Variants in PRKG1 observed in about 807,000 individuals in gnomAD.
PRKG1 encodes cGMP-dependent protein kinase 1.
Under a neutral mutation model 88.1 loss-of-function variants are expected in PRKG1, and 35 were observed. The ratio of observed to expected loss-of-function variants is 0.40; its 90% CI spans 0.30 to 0.53. The LOEUF (loss-of-function observed/expected upper bound fraction) is 0.53. Ranked by LOEUF, PRKG1 falls within the 20% of genes least tolerant of loss-of-function variation. The pLI is 0.59. For synonymous variants in PRKG1, 303 were observed against 292.5 expected, an observed-to-expected ratio of 1.04 and a Z score of -0.37; for missense variants, 540 against 839.8, an observed-to-expected ratio of 0.64 and a Z score of 4.41.
rs1841886535 is a variant in PRKG1, at chr10:51,336,793, TAACCTTAGATGAAA to T, written c.479-130926_479-130913del. On this transcript the variant is annotated intron_variant, in intron 2 of 17. Transcript: ENST00000373980. ...ACAGGATTTGGCCAAAACAAATGAT[TAACCTTAGATGAAA>T]AACAGGGTTTCTAATGGCCATAATG... Among the ~76,000 whole-genome samples, 3 of 152,166 alleles carry T rather than the reference TAACCTTAGATGAAA, an allele frequency of 2.0e-5. No homozygotes were observed. In the South Asian group the frequency reaches 6.2e-4, roughly 31 times the overall value.
chr10:52,270,083 C>G (rs1195888244), intron 10 of PRKG1, among the ~76,000 whole-genome samples: 1 of 151,868 alleles, frequency 6.6e-6, no homozygotes, highest in Non-Finnish European at 1.5e-5. Flanking sequence ...TTTTTTTTCT[C>G]TTTAAACTGT....
At chr10:51,315,965 C>A (rs1260831840) in intron 2 of PRKG1, among the ~76,000 whole-genome samples, 1 of 152,104 alleles carries the variant, frequency 6.6e-6, no homozygotes, top group Non-Finnish European at 1.5e-5. Flanking sequence ...TTCAAAATCT[C>A]CTATAATTGG....
At chr10:52,069,672 G>C (rs1846446759) in intron 7 of PRKG1, among the ~76,000 whole-genome samples, 1 of 152,070 alleles carries the variant, frequency 6.6e-6, no homozygotes, top group South Asian at 2.1e-4. Context: ...TATTCAAGCT[G>C]CTTTTGTATC....
chr10:51,470,824 G>C (rs547461719), intron 3 of PRKG1, among the ~76,000 whole-genome samples: 1 of 152,014 alleles, frequency 6.6e-6, no homozygotes, highest in South Asian at 2.1e-4. Context: ...CCAACAGAAG[G>C]AAGCACCATG....
intron 2 of PRKG1, among the ~76,000 whole-genome samples, chr10:51,313,709 T>C (rs1388908150): frequency 6.6e-6 from 1 of 152,168 alleles, no homozygotes; most frequent in East Asian, 1.9e-4. Context: ...GGTACCAAAA[T>C]TTGCAGATGC....
At chr10:52,292,588 T>C (rs1390814861) in intron 17 of PRKG1, among the ~76,000 whole-genome samples, 1 of 152,076 alleles carries the variant, frequency 6.6e-6, no homozygotes, top group Non-Finnish European at 1.5e-5. Flanking sequence ...TGCGGCGTTA[T>C]TTCTGAGGGC....
At chr10:51,434,815 T>C (rs1838872417) in intron 2 of PRKG1, among the ~76,000 whole-genome samples, 2 of 152,090 alleles carry the variant, frequency 1.3e-5, no homozygotes, top group South Asian at 4.1e-4. Flanking sequence ...TCCTTTCAGA[T>C]GGGGAAATGT....
intron 4 of PRKG1, among the ~76,000 whole-genome samples, chr10:51,894,004 A>G (rs1344871256): frequency 6.6e-6 from 1 of 152,198 alleles, no homozygotes; most frequent in East Asian, 1.9e-4. Context: ...GCCTACTTAG[A>G]TGTAGAGAGA....
At chr10:51,849,830 ACT>A (rs1840498478) in intron 4 of PRKG1, among the ~76,000 whole-genome samples, 1 of 152,272 alleles carries the variant, frequency 6.6e-6, no homozygotes, top group African/African-American at 2.4e-5. Flanking sequence ...ACAGGGGCAG[ACT>A]CAGGTTTGAT....
chr10:51,446,737 C>T (rs1245934821), intron 2 of PRKG1, among the ~76,000 whole-genome samples: 1 of 152,110 alleles, frequency 6.6e-6, no homozygotes, highest in African/African-American at 2.4e-5. Flanking sequence ...TCACACACTT[C>T]CTCCATTTTG....
chr10:51,786,222 G>A (rs17629265), intron 3 of PRKG1, among the ~76,000 whole-genome samples: 50,977 of 151,966 alleles, frequency 0.34, 10,412 homozygotes, highest in Middle Eastern at 0.49. Flanking sequence ...CTAGGTGATA[G>A]AACATTTGGC....
intron 9 of PRKG1, among the ~76,000 whole-genome samples, chr10:52,245,471 G>C (rs981143889): frequency 2.6e-5 from 4 of 152,130 alleles, no homozygotes; most frequent in Admixed American, 6.6e-5. Context: ...ATGAGCTTTT[G>C]ATAAGCCAGG....
intron 2 of PRKG1, among the ~76,000 whole-genome samples, chr10:51,392,689 C>T (rs1337928076): frequency 8.0e-4 from 121 of 151,846 alleles, no homozygotes; most frequent in African/African-American, 2.7e-3. Context: ...AGGGGCTCCT[C>T]ACTTCCCAGT....
In PRKG1 at chr10:51,377,007, C is replaced by T. The variant is rs114048643; in HGVS notation, c.479-90716C>T. ...ATTTTTAATGGTAACAGAAATATCA[C>T]CATCAATTGGTGATAAACCAAATGT... On this transcript the variant is annotated intron_variant, in intron 2 of 17. Transcript: ENST00000373980. Among the ~76,000 whole-genome samples the T allele has an allele frequency of 9.9e-3, 1,507 of 152,162 alleles. 22 individuals carry two copies. The highest frequency in any genetic ancestry group is 0.034 in the African/African-American group (1,404 of 41,504).
In PRKG1 at chr10:51,577,221, C is replaced by A. The variant is rs569360536; in HGVS notation, c.592+109385C>A. Among the ~76,000 whole-genome samples the A allele has an allele frequency of 5.3e-5, 8 of 151,942 alleles. No individual in the cohort carries two copies. The East Asian group carries it at 1.6e-3, about 29-fold the overall frequency. ...GTTATTTCCCATAAAGCAATATATT[C>A]CAAATGTGTTAGCATTGTACACTTG... On this transcript the variant is annotated intron_variant, in intron 3 of 17. Coordinates refer to ENST00000373980, the MANE Select transcript of PRKG1 (RefSeq NM_006258.4).
Position 51,074,671 on chromosome 10 carries a change from G to A in PRKG1, c.81G>A (p.Glu27=), listed in dbSNP as rs747149491. The A allele has an allele frequency of 5.0e-6, 8 of 1,613,976 alleles. No individual in the cohort carries two copies. Among genetic ancestry groups the A allele is most frequent in the Middle Eastern group, 1.6e-4 (1 of 6,082 alleles). The change falls in exon 1 of 18, where the codon GAG becomes GAA. Residue 27 remains glutamate, a synonymous_variant. Coordinates refer to ENST00000373980, the MANE Select transcript of PRKG1 (RefSeq NM_006258.4). The part of the protein sequence containing the change: ...ELRQRDALID[E]LELELDQKDE... ...GGCAGCGGGATGCTCTCATCGACGA[G>A]CTGGAGCTGGAGTTGGATCAGAAGG...
intron 2 of PRKG1, among the ~76,000 whole-genome samples, chr10:51,344,310 A>G (rs1842066057): frequency 6.6e-6 from 1 of 152,156 alleles, no homozygotes; most frequent in South Asian, 2.1e-4. Context: ...GAACTCACTC[A>G]CTATCACAAG....
At chr10:51,211,848 T>C (rs1237508528) in intron 2 of PRKG1, among the ~76,000 whole-genome samples, 1 of 152,204 alleles carries the variant, frequency 6.6e-6, no homozygotes, top group Non-Finnish European at 1.5e-5. Flanking sequence ...CATTTCATGC[T>C]CATGGATAGG....
At chr10:51,676,839 G>A (rs934256344) in intron 3 of PRKG1, among the ~76,000 whole-genome samples, 17 of 152,140 alleles carry the variant, frequency 1.1e-4, no homozygotes, top group Admixed American at 6.6e-5. Flanking sequence ...TCCTGGCATT[G>A]ATTCAAGGCT....
Sources: allele counts gnomAD v4.1 joint callset (sites outside exome capture counted in the v4.1 genomes callset), GRCh38; gene constraint gnomAD v4.1.1; transcripts MANE v1.5; gene names NCBI Gene and HGNC (gene_info 2026-07-23, HGNC 2026-07-21).